Variants in ADARB2 observed in about 807,000 individuals in gnomAD.
ADARB2 encodes the protein inactive double-stranded RNA-specific editase B2.
In ADARB2, 25 loss-of-function variants were observed where a neutral mutation model predicts 62.2. That is an observed-to-expected ratio of 0.40 (90% CI 0.29 to 0.56). The LOEUF is 0.56. ADARB2 is among the 20% of genes least tolerant of loss of function. ADARB2 has a pLI of 0.43. For missense variants in ADARB2, 1,071 were observed against 1,077.4 expected, an observed-to-expected ratio of 0.99 and a Z score of 0.08; for synonymous variants, 572 against 500.8, an observed-to-expected ratio of 1.14 and a Z score of -1.90.
rs111746918 is a variant in ADARB2 at position 1,278,391 on chromosome 10, G to A, written c.1078-7322C>T. Among the ~76,000 whole-genome samples the A allele has an allele frequency of 4.1e-4, 63 of 151,864 alleles. 1 individual carries two copies. The highest frequency in any genetic ancestry group is 1.5e-3 in the African/African-American group (62 of 41,416). On this transcript the variant is annotated intron_variant, in intron 3 of 9. Transcript: ENST00000381312. ...GGTGTACAAGTGACCCAGGTAGTGA[G>A]CACAGTACTTGGTAGTTAGTTTCTC...
chr10:1,544,935 G>A (rs1335010257), intron 1 of ADARB2, among the ~76,000 whole-genome samples: 1 of 38,098 alleles, frequency 2.6e-5, no homozygotes, highest in African/African-American at 6.5e-5. Context: ...TATAATATGT[G>A]AAGTCTATAA....
At chr10:1,322,617 A>T (rs990824523) in intron 3 of ADARB2, among the ~76,000 whole-genome samples, 2 of 152,190 alleles carry the variant, frequency 1.3e-5, no homozygotes, top group Non-Finnish European at 1.5e-5. Context: ...TGGAGCCATT[A>T]AGTGAAGGAA....
At chr10:1,657,084 C>T (rs1834181695) in intron 1 of ADARB2, among the ~76,000 whole-genome samples, 1 of 151,422 alleles carries the variant, frequency 6.6e-6, no homozygotes, top group South Asian at 2.1e-4. Flanking sequence ...TCAGTGATGC[C>T]AAATTCTATT....
intron 1 of ADARB2, among the ~76,000 whole-genome samples, chr10:1,665,888 G>T (rs1834310370): frequency 6.6e-6 from 1 of 152,216 alleles, no homozygotes; most frequent in Admixed American, 6.5e-5. Flanking sequence ...CAGGCCCACA[G>T]TAAATGAGGG....
intron 7 of ADARB2, among the ~76,000 whole-genome samples, chr10:1,204,501 C>T (rs528690258): frequency 6.6e-6 from 1 of 152,376 alleles, no homozygotes; most frequent in East Asian, 1.9e-4. Flanking sequence ...ATGGGTCCCA[C>T]AGCTCTCGTG....
At chr10:1,638,937 G>A (rs750701008) in intron 1 of ADARB2, among the ~76,000 whole-genome samples, 1 of 152,234 alleles carries the variant, frequency 6.6e-6, no homozygotes, top group Non-Finnish European at 1.5e-5. Flanking sequence ...AAAGGAGGTG[G>A]AGAGGCTGCC....
At chr10:1,265,574 G>GAGAGGGGGCCC (rs1831188400) in intron 4 of ADARB2, among the ~76,000 whole-genome samples, 1 of 147,850 alleles carries the variant, frequency 6.8e-6, no homozygotes, top group African/African-American at 2.5e-5. Context: ...AAGACGGCCT[G>GAGAGGGGGCCC]AGTCAGGTCC....
intron 1 of ADARB2, among the ~76,000 whole-genome samples, chr10:1,665,522 C>T (rs1834305389): frequency 6.6e-6 from 1 of 152,274 alleles, no homozygotes; most frequent in African/African-American, 2.4e-5. Context: ...AGGGAATCCC[C>T]AGGCACCCCA....
At position 1,265,230 on chromosome 10, in the gene ADARB2, G is replaced by A. The variant is rs1831182575; in HGVS notation, c.1192+5725C>T. ...AATTCCTGCCTTCCCCACTTATCGG[G>A]GTTATGTCAATCAAACTGATTAGTG... On this transcript the variant is annotated intron_variant, in intron 4 of 9. Coordinates refer to ENST00000381312, the MANE Select transcript of ADARB2 (RefSeq NM_018702.4). 2.6e-5 allele frequency among the ~76,000 whole-genome samples: 4 copies of A among 152,152 alleles called. No homozygotes were observed. The South Asian group carries it at 8.3e-4, about 31-fold the overall frequency.
chr10:1,500,219 G>T (rs1357593446), intron 1 of ADARB2, among the ~76,000 whole-genome samples: 8 of 152,158 alleles, frequency 5.3e-5, no homozygotes, highest in Admixed American at 1.3e-4. Flanking sequence ...TCCCACCCGT[G>T]TTCTTGTTTA....
chr10:1,510,112 C>CTTTCTTTCTTT (rs1831910077), intron 1 of ADARB2, among the ~76,000 whole-genome samples: 4 of 72,646 alleles, frequency 5.5e-5, no homozygotes, highest in African/African-American at 2.6e-4. Context: ...TTCTTTCTCT[C>CTTTCTTTCTTT]TTTCTTTCTT....
intron 1 of ADARB2, among the ~76,000 whole-genome samples, chr10:1,513,536 C>A (rs1185866512): frequency 3.9e-5 from 6 of 152,182 alleles, no homozygotes; most frequent in Admixed American, 3.3e-4. Flanking sequence ...ATGGTTCTAG[C>A]CAGGAGTCTC....
At chr10:1,500,600 T>C (rs1831754522) in intron 1 of ADARB2, among the ~76,000 whole-genome samples, 1 of 152,196 alleles carries the variant, frequency 6.6e-6, no homozygotes, top group Non-Finnish European at 1.5e-5. Flanking sequence ...GTAAAAATAA[T>C]TTTGGGGTGA....
At position 1,217,060 on chromosome 10, in the gene ADARB2, A is replaced by C. The variant is rs763996513; in HGVS notation, c.1573T>G (p.Ser525Ala). Residue 525 changes from serine (S) to alanine (A), a missense_variant, in exon 7 of 10, where the codon TCC (serine) becomes GCC (alanine). Transcript: ENST00000381312. ...FRGHLRTKIE[S>A]GEGTVPVRGP... ...CGCACGGGGACCGTCCCTTCCCCGGACTCGATCTTGGTGCGCAGGTGCCCG... is the reference window on the plus strand; with the variant it reads ...CGCACGGGGACCGTCCCTTCCCCGGCCTCGATCTTGGTGCGCAGGTGCCCG... The C allele has an allele frequency of 1.2e-6, 2 of 1,610,104 alleles. No homozygotes were observed. Among genetic ancestry groups the C allele is most frequent in the Admixed American group, 1.7e-5 (1 of 59,500 alleles).
At chr10:1,218,415 A>C (rs987536947) in intron 6 of ADARB2, among the ~76,000 whole-genome samples, 4 of 152,236 alleles carry the variant, frequency 2.6e-5, no homozygotes, top group Non-Finnish European at 5.9e-5. Context: ...TTTGCATTTG[A>C]ATTATATATA....
At chr10:1,545,472 C>T (rs985515542) in intron 1 of ADARB2, among the ~76,000 whole-genome samples, 1 of 152,176 alleles carries the variant, frequency 6.6e-6, no homozygotes, top group African/African-American at 2.4e-5. Context: ...TCCTTGTACA[C>T]AAAGTTAGAA....
chr10:1,441,521 A>G (rs1830906926), intron 1 of ADARB2, among the ~76,000 whole-genome samples: 1 of 152,208 alleles, frequency 6.6e-6, no homozygotes, highest in African/African-American at 2.4e-5. Flanking sequence ...GATATTTTCC[A>G]AGTCCTTTAG....
At chr10:1,536,349 C>G (rs1365223094) in intron 1 of ADARB2, among the ~76,000 whole-genome samples, 1 of 152,232 alleles carries the variant, frequency 6.6e-6, no homozygotes, top group African/African-American at 2.4e-5. Flanking sequence ...TCTTTGGTTT[C>G]CAGCCTTGAG....
At chr10:1,234,811 C>T (rs1163345494) in intron 5 of ADARB2, among the ~76,000 whole-genome samples, 2 of 120,064 alleles carry the variant, frequency 1.7e-5, no homozygotes, top group Admixed American at 1.2e-4. Flanking sequence ...TGCAGTGGTG[C>T]AATCTTGGCT....
Sources: allele counts gnomAD v4.1 joint callset (sites outside exome capture counted in the v4.1 genomes callset), GRCh38; gene constraint gnomAD v4.1.1; transcripts MANE v1.5; gene names NCBI Gene and HGNC (gene_info 2026-07-23, HGNC 2026-07-21).